Variants in C4orf51 observed in about 807,000 individuals in gnomAD.
C4orf51 encodes the protein chromosome 4 open reading frame 51.
A neutral mutation model predicts 25.2 loss-of-function variants in C4orf51; 25 were observed. That is an observed-to-expected ratio of 0.99 (90% confidence interval 0.72 to 1.39). The LOEUF (loss-of-function observed/expected upper bound fraction) is 1.39, where lower values mean the gene tolerates loss of function less well. C4orf51 is among the 40% of genes most tolerant of loss of function. C4orf51 has a pLI of 0.00. For missense variants in C4orf51, 252 were observed against 239.6 expected (o/e 1.05, Z -0.34); for synonymous variants, 100 against 84.5 (o/e 1.18, Z -1.01).
At chr4:145,790,201 G>A in the C4orf51 span, among the ~76,000 whole-genome samples, 1 of 152,078 alleles carries the variant, frequency 6.6e-6, no homozygotes, top group African/African-American at 2.4e-5. Flanking sequence ...TATAAAATAT[G>A]GGCACATATG....
chr4:145,693,059 A>G (rs1336218861), intron 1 of C4orf51, among the ~76,000 whole-genome samples: 2 of 128,584 alleles, frequency 1.6e-5, no homozygotes, highest in African/African-American at 5.9e-5. Flanking sequence ...TTTATTGATA[A>G]TTCTTGGGTG....
chr4:145,689,435 A>G (rs190385869), intron 1 of C4orf51, among the ~76,000 whole-genome samples: 15 of 152,280 alleles, frequency 9.9e-5, no homozygotes, highest in Admixed American at 7.8e-4. Flanking sequence ...GTGTATATAT[A>G]TGAATTTGTA....
chr4:145,730,071 T>G (rs1407128199), intron 5 of C4orf51, 106 bp downstream of exon 5: 1 of 881,946 alleles, frequency 1.1e-6, no homozygotes, highest in African/African-American at 1.6e-5. Context: ...CTGTGTATGT[T>G]TAGAGTTGGT....
At chr4:145,711,348 C>T (rs766532684) in intron 2 of C4orf51, among the ~76,000 whole-genome samples, 5 of 152,218 alleles carry the variant, frequency 3.3e-5, no homozygotes, top group Non-Finnish European at 5.9e-5. Flanking sequence ...CTTTCCATTG[C>T]TGGGGCTCTA....
At chr4:145,686,330 G>T (rs931172159) in intron 1 of C4orf51, among the ~76,000 whole-genome samples, 9 of 152,144 alleles carry the variant, frequency 5.9e-5, no homozygotes, top group African/African-American at 2.2e-4. Context: ...ATGGATAGTA[G>T]TAATCATTGC....
intron 1 of C4orf51, among the ~76,000 whole-genome samples, chr4:145,745,448 G>A (rs974406961): frequency 1.3e-5 from 2 of 150,046 alleles, no homozygotes; most frequent in Non-Finnish European, 1.5e-5. Context: ...TTAACTTTTA[G>A]ATCCCACAAA....
chr4:145,745,919 A>G (rs1312852736), intron 1 of C4orf51, among the ~76,000 whole-genome samples: 1 of 152,180 alleles, frequency 6.6e-6, no homozygotes, highest in East Asian at 1.9e-4. Flanking sequence ...AGCCATTTTA[A>G]CTTGGGCGAG....
At chr4:145,752,310 T>G (rs979479382) in intron 1 of C4orf51, among the ~76,000 whole-genome samples, 3 of 152,224 alleles carry the variant, frequency 2.0e-5, no homozygotes, top group Non-Finnish European at 4.4e-5. Context: ...CTTGATGTAC[T>G]ATCTGGGTAT....
At chr4:145,791,360 G>C in the C4orf51 span, among the ~76,000 whole-genome samples, 2 of 152,132 alleles carry the variant, frequency 1.3e-5, no homozygotes, top group Non-Finnish European at 2.9e-5. Flanking sequence ...CTTCCCAAAG[G>C]CTCCATCTTC....
At chr4:145,745,458 A>G (rs923199375) in intron 1 of C4orf51, among the ~76,000 whole-genome samples, 1 of 152,078 alleles carries the variant, frequency 6.6e-6, no homozygotes, top group Admixed American at 6.5e-5. Flanking sequence ...GATCCCACAA[A>G]TATGTAAGAA....
intron 2 of C4orf51, among the ~76,000 whole-genome samples, chr4:145,701,733 G>C (rs1208974325): frequency 2.6e-5 from 4 of 151,826 alleles, no homozygotes; most frequent in Non-Finnish European, 5.9e-5. Context: ...AACTGTTGTA[G>C]TTATTGACAG....
chr4:145,749,134 T>A (rs1733541164), intron 1 of C4orf51, among the ~76,000 whole-genome samples: 1 of 150,532 alleles, frequency 6.6e-6, no homozygotes, highest in Non-Finnish European at 1.5e-5. Flanking sequence ...TTGACCCCTT[T>A]ATCATTATAT....
rs565088925 is a variant in C4orf51, at chr4:145,693,176, G to A, written c.234-3383G>A. ...CTGGTTTTCCTAGGCAGAGGACCCT[G>A]CGGCCTTCCGCAGTGTTTGTGTCCC... On this transcript the variant is annotated intron_variant, in intron 1 of 5. Coordinates refer to ENST00000438731, the MANE Select transcript of C4orf51 (RefSeq NM_001080531.3). Among the ~76,000 whole-genome samples the A allele has an allele frequency of 3.0e-4, 44 of 149,124 alleles. 1 individual carries two copies. The highest frequency in any genetic ancestry group is 1.0e-3 in the African/African-American group (41 of 40,602).
chr4:145,777,489 C>G, the C4orf51 span, among the ~76,000 whole-genome samples: 1 of 152,176 alleles, frequency 6.6e-6, no homozygotes, highest in African/African-American at 2.4e-5. Flanking sequence ...CCGACTGATT[C>G]AAGTTCCCTC....
intron 2 of C4orf51, among the ~76,000 whole-genome samples, chr4:145,714,590 G>A (rs1045321092): frequency 1.3e-5 from 2 of 152,082 alleles, no homozygotes; most frequent in East Asian, 1.9e-4. Flanking sequence ...TGTTCTCTTC[G>A]TGGCTCACTG....
intron 5 of C4orf51, among the ~76,000 whole-genome samples, chr4:145,731,099 T>C (rs560103156): frequency 6.6e-6 from 1 of 152,334 alleles, no homozygotes; most frequent in South Asian, 2.1e-4. Flanking sequence ...CCCTTCACTG[T>C]AGGGTTGATG....
At chr4:145,726,022 C>G (rs1732034910) in intron 2 of C4orf51, among the ~76,000 whole-genome samples, 1 of 152,144 alleles carries the variant, frequency 6.6e-6, no homozygotes. Context: ...GCAGTCTTGC[C>G]TCTCTCTAAT....
chr4:145,722,349 C>CT (rs1310418361), intron 2 of C4orf51, among the ~76,000 whole-genome samples: 9 of 152,218 alleles, frequency 5.9e-5, no homozygotes, highest in Admixed American at 4.6e-4. Context: ...ACAGTATATC[C>CT]TAAATACTTC....
Position 145,732,483 on chromosome 4 carries a change from G to A in C4orf51, c.532G>A (p.Val178Ile), listed in dbSNP as rs1560855278. 2 of 1,611,122 alleles carry A rather than the reference G, an allele frequency of 1.2e-6. No individual in the cohort carries two copies. Among genetic ancestry groups the A allele is most frequent in the South Asian group, 1.1e-5 (1 of 90,040 alleles). Reference protein sequence around the residue: ...LHGRCDSESKVCSSEDSEADR... With the variant: ...LHGRCDSESKICSSEDSEADR... ...TGGACGGTGCGATTCTGAAAGCAAGGTTTGCTCATCTGAGGATTCAGAAGC... is the reference window on the plus strand; with the variant it reads ...TGGACGGTGCGATTCTGAAAGCAAGATTTGCTCATCTGAGGATTCAGAAGC... The change falls in exon 6 of 6, where the codon GTT becomes ATT. Residue 178 changes from valine to isoleucine, a missense_variant. Physicochemically the swap from Val to Ile is conservative, Grantham distance 29. Coordinates refer to ENST00000438731, the MANE Select transcript of C4orf51 (RefSeq NM_001080531.3).
Sources: allele counts gnomAD v4.1 joint callset (sites outside exome capture counted in the v4.1 genomes callset), GRCh38; gene constraint gnomAD v4.1.1; transcripts MANE v1.5; gene names NCBI Gene and HGNC (gene_info 2026-07-23, HGNC 2026-07-21).